Variants in TTN observed in about 807,000 individuals in gnomAD.
TTN encodes the protein connectin.
TTN carries 1,525 observed loss-of-function variants against 3,223.0 expected under a neutral mutation model. The observed-to-expected ratio is 0.47, with a 90% CI of 0.45 to 0.49. The LOEUF is 0.49. Ranked by LOEUF, TTN falls within the 20% of genes least tolerant of loss-of-function variation. The pLI is 0.00. For synonymous variants in TTN, 14,094 were observed against 15,161.0 expected (o/e 0.93, Z 5.17); for missense variants, 40,786 against 43,424.0 (o/e 0.94, Z 5.40).
rs2154201393 is a variant in TTN at position 178,613,956 on chromosome 2, T to G, written c.49346-19A>C. 6.2e-7 allele frequency: 1 copy of G among 1,606,630 alleles called. No homozygotes were observed. The highest frequency in any genetic ancestry group is 1.7e-5 in the Admixed American group (1 of 58,300). On this transcript the variant is annotated intron_variant, in intron 262 of 362. Coordinates refer to ENST00000589042, the MANE Select transcript of TTN (RefSeq NM_001267550.2). ...GGTGGATCTATAGACAGGATAATGGTGTAAAATGTTATATGTCCTGTATAT... is the reference window on the plus strand; with the variant it reads ...GGTGGATCTATAGACAGGATAATGGGGTAAAATGTTATATGTCCTGTATAT...
intron 46 of TTN, among the ~76,000 whole-genome samples, chr2:178,755,112 G>A (rs972224209): frequency 1.3e-5 from 2 of 152,132 alleles, no homozygotes; most frequent in East Asian, 1.9e-4. Flanking sequence ...GAGACTCAGT[G>A]AAGCTGTTTT....
chr2:178,678,699 A>T, intron 143 of TTN, 48 bp downstream of exon 143: 1 of 1,546,074 alleles, frequency 6.5e-7, no homozygotes, highest in Non-Finnish European at 8.8e-7. Flanking sequence ...ATTTTTACCC[A>T]TATGCAAATG....
chr2:178,790,619 A>G, intron 11 of TTN, 89 bp downstream of exon 11: 1 of 1,596,568 alleles, frequency 6.3e-7, no homozygotes, highest in Non-Finnish European at 8.6e-7. Flanking sequence ...GAAGTGAAGA[A>G]GTGATGATTA....
intron 12 of TTN, among the ~76,000 whole-genome samples, chr2:178,789,710 G>A (rs2093387586): frequency 6.6e-6 from 1 of 152,086 alleles, no homozygotes; most frequent in Non-Finnish European, 1.5e-5. Context: ...ATGAGTCCCT[G>A]TGTCACTTTT....
Position 178,547,649 on chromosome 2 carries a change from C to T in TTN, c.93977G>A (p.Cys31326Tyr), listed in dbSNP as rs968969255. ...IEVSSVSAES[C>Y]VLSWGEPKDG... ...TTTAGGTTCTCCCCATGACAGGACA[C>T]ACGATTCAGCTGAGACAGATGAGAC... The change falls in exon 339 of 363, where the codon TGT becomes TAT. Residue 31326 changes from cysteine (C) to tyrosine (Y), a missense_variant. By Grantham distance (194) the Cys-to-Tyr change is radical. Transcript: ENST00000589042. 3 of 1,613,876 alleles carry T rather than the reference C, an allele frequency of 1.9e-6. No individual in the cohort carries two copies. The highest frequency in any genetic ancestry group is 1.7e-5 in the Admixed American group (1 of 60,012).
intron 159 of TTN, among the ~76,000 whole-genome samples, chr2:178,669,094 G>T (rs975333985): frequency 6.6e-6 from 1 of 152,084 alleles, no homozygotes; most frequent in African/African-American, 2.4e-5. Context: ...CAAAGCAAAA[G>T]ACACTTGTAT....
At position 178,583,844 on chromosome 2, in the gene TTN, G is replaced by A. The variant is rs745681257; in HGVS notation, c.65338C>T (p.Arg21780Cys). The A allele has an allele frequency of 1.3e-5, 21 of 1,608,632 alleles. No homozygotes were observed. The highest frequency in any genetic ancestry group is 1.7e-5 in the Non-Finnish European group (20 of 1,177,388). The change falls in exon 312 of 363, where the codon CGT (arginine) becomes TGT (cysteine). Residue 21780 changes from arginine to cysteine, a missense_variant. Physicochemically the swap from Arg to Cys is radical, Grantham distance 180. Transcript: ENST00000589042. ...TKSTVSLIWA[R>C]PKHDGGSKII... ...TTACTGCCTCCATCATGCTTTGGAC[G>A]AGCCCAGATCAGAGATACAGTACTC...
chr2:178,589,143 A>G lies in TTN; in HGVS notation c.62582T>C (p.Val20861Ala). ...TCTCACAGGACCAGGCTTATCTAAA[A>G]CATTGACAGTGGCATAGGCCACAAA... ...GSFVAYATVN[V>A]LDKPGPVRNL... Residue 20861 changes from valine to alanine, a missense_variant, in exon 304 of 363, where the codon GTT becomes GCT. Coordinates refer to ENST00000589042, the MANE Select transcript of TTN (RefSeq NM_001267550.2). 6.2e-7 allele frequency: 1 copy of G among 1,613,226 alleles called. No homozygotes were observed.
At position 178,711,081 on chromosome 2, in the gene TTN, A is replaced by C. The variant is rs2076586234; in HGVS notation, c.28155T>G (p.Ser9385Arg). 1 of 1,594,946 alleles carries C rather than the reference A, an allele frequency of 6.3e-7. No homozygotes were observed. Among genetic ancestry groups the C allele is most frequent in the Non-Finnish European group, 8.5e-7 (1 of 1,170,712 alleles). The change falls in exon 97 of 363, where the codon AGT becomes AGG. Residue 9385 changes from serine to arginine, a missense_variant. Transcript: ENST00000589042. ...ACAAACCTGTGAGAATGAGCCTGGC[A>C]CTGGAAGAAGCAGAGCCTATAGGGT... ...ATNPIGSASS[S>R]ARLILTEGKN...
chr2:178,664,064 C>G lies in TTN; in HGVS notation c.36315G>C (p.Lys12105Asn). ...HEAPKEIIPEKKVSVVPPKKP... is the reference protein window; with the variant it reads ...HEAPKEIIPENKVSVVPPKKP... ...TTTTAGGAGGCACCACCGACACTTT[C>G]TTTTCAGGGATAATCTCTTTGGGAG... The change falls in exon 169 of 363, where the codon AAG becomes AAC. Residue 12105 changes from lysine (K) to asparagine (N), a missense_variant. Coordinates refer to ENST00000589042, the MANE Select transcript of TTN (RefSeq NM_001267550.2). 1 of 1,613,124 alleles carries G rather than the reference C, an allele frequency of 6.2e-7. No homozygotes were observed. Among genetic ancestry groups the G allele is most frequent in the South Asian group, 1.1e-5 (1 of 91,042 alleles).
In TTN at chr2:178,719,675, G is replaced by A. The variant is rs866647945; in HGVS notation, c.23817C>T (p.Phe7939=). 2 of 1,613,680 alleles carry A rather than the reference G, an allele frequency of 1.2e-6. No homozygotes were observed. The highest frequency in any genetic ancestry group is 1.7e-6 in the Non-Finnish European group (2 of 1,179,722). ...LSADSKHHIT[F]INKVASLKIP... ...TTTTAAGGGAAGCCACTTTATTGAT[G>A]AATGTAATGTGATGTTTGCTGTCTG... The change falls in exon 82 of 363, where the codon TTC becomes TTT. Residue 7939 remains phenylalanine (F), a synonymous_variant. Coordinates refer to ENST00000589042, the MANE Select transcript of TTN (RefSeq NM_001267550.2).
In TTN at chr2:178,552,672, C is replaced by A; in HGVS notation, c.90228G>T (p.Thr30076=). Residue 30076 remains threonine, a synonymous_variant, in exon 335 of 363, where the codon ACG becomes ACT. Coordinates refer to ENST00000589042, the MANE Select transcript of TTN (RefSeq NM_001267550.2). ...VVERKGKGEQ[T]WSHAGISKTC... is the part of the protein sequence containing the mutation. ...TCTTACTTATGCCAGCGTGGGACCA[C>A]GTCTGTTCACCTTTACCTTTCCTTT... 6.2e-7 allele frequency: 1 copy of A among 1,613,936 alleles called. No homozygotes were observed. Among genetic ancestry groups the A allele is most frequent in the East Asian group, 2.2e-5 (1 of 44,844 alleles).
rs375623167 is a variant in TTN at position 178,567,842 on chromosome 2, G to C, written c.78290C>G (p.Pro26097Arg). ...GATTTCATTTCTTTTAACCATTATT[G>C]GTTCTGGGGTTCCTGGTGGGTCACA... ...DPCDPPGTPE[P>R]IMVKRNEITL... Residue 26097 changes from proline (P) to arginine (R), a missense_variant, in exon 326 of 363, where the codon CCA becomes CGA. Physicochemically the swap from Pro to Arg is moderately radical, Grantham distance 103. Transcript: ENST00000589042. The C allele has an allele frequency of 1.2e-6, 2 of 1,613,424 alleles. No homozygotes were observed.
chr2:178,805,981 C>A (rs2094300313), intron 1 of TTN, among the ~76,000 whole-genome samples: 1 of 152,172 alleles, frequency 6.6e-6, no homozygotes, highest in Non-Finnish European at 1.5e-5. Flanking sequence ...CATGACTATT[C>A]TGTTCTGAAA....
At position 178,650,783 on chromosome 2, in the gene TTN, A is replaced by G; in HGVS notation, c.39677T>C (p.Val13226Ala). Residue 13226 changes from valine to alanine, a missense_variant, in exon 209 of 363, where the codon GTT (valine) becomes GCT (alanine). Transcript: ENST00000589042. ...PVLEEKPAVP[V>A]PERAESPPPE... Reference sequence around the variant, plus strand: ...GGGAGGAGACTCCGCTCTTTCTGGAACAGGAACAGCTGGTTTCTCTTCCAA... The same window carrying G: ...GGGAGGAGACTCCGCTCTTTCTGGAGCAGGAACAGCTGGTTTCTCTTCCAA... The G allele has an allele frequency of 6.2e-7, 1 of 1,607,920 alleles. No homozygotes were observed. Among genetic ancestry groups the G allele is most frequent in the Non-Finnish European group, 8.5e-7 (1 of 1,177,126 alleles).
rs141400725 is a variant in TTN, at chr2:178,550,717, T to C, written c.91564+250A>G. The C allele has an allele frequency of 2.2e-3, 1,115 of 504,206 alleles. 9 individuals carry two copies. The highest frequency in any genetic ancestry group is 0.019 in the African/African-American group (976 of 50,906). The allele number at this position is 504,206 out of a possible 1,614,324, so 31.2% of individuals were successfully genotyped here. ...TTATGTACTGTTAAGTGGCGAAAAT[T>C]ACAAAGCTAAAAACTCATTCCCACT... On this transcript the variant is annotated intron_variant, in intron 336 of 362. Transcript: ENST00000589042.
chr2:178,705,315 A>G lies in TTN; in HGVS notation c.29463T>C (p.Ile9821=). ...LKKGAGEEEE[I]DIMELLKNVD... ...CATTTTTGAGAAGTTCCATGATATC[A>G]ATTTCCTCTTCTTCTCCAGCTCCTT... The change falls in exon 103 of 363, where the codon ATT becomes ATC. Residue 9821 remains isoleucine (I), a synonymous_variant. Coordinates refer to ENST00000589042, the MANE Select transcript of TTN (RefSeq NM_001267550.2). 1 of 1,609,816 alleles carries G rather than the reference A, an allele frequency of 6.2e-7. No homozygotes were observed.
At position 178,530,968 on chromosome 2, in the gene TTN, A is replaced by T; in HGVS notation, c.105647T>A (p.Leu35216Gln). ...AGTTACCCTGGCCTTTTGAATAGTCAGAGTGAACTCTGCTTCTTGTTTCCC... is the reference window on the plus strand; with the variant it reads ...AGTTACCCTGGCCTTTTGAATAGTCTGAGTGAACTCTGCTTCTTGTTTCCC... ...SEGKQEAEFTLTIQKARVTEK... is the reference protein window; with the variant it reads ...SEGKQEAEFTQTIQKARVTEK... The change falls in exon 358 of 363, where the codon CTG becomes CAG. Residue 35216 changes from leucine (L) to glutamine (Q), a missense_variant. Physicochemically the swap from Leu to Gln is moderately radical, Grantham distance 113. Coordinates refer to ENST00000589042, the MANE Select transcript of TTN (RefSeq NM_001267550.2). 1 of 1,613,978 alleles carries T rather than the reference A, an allele frequency of 6.2e-7. No individual in the cohort carries two copies. Among genetic ancestry groups the T allele is most frequent in the Non-Finnish European group, 8.5e-7 (1 of 1,179,886 alleles).
chr2:178,621,793 A>AT (rs899768537), intron 244 of TTN, 47 bp downstream of exon 244: 24 of 1,608,396 alleles, frequency 1.5e-5, no homozygotes, highest in Middle Eastern at 3.3e-4. Flanking sequence ...GGAAATTATT[A>AT]TTTTTTCCCA....
Sources: allele counts gnomAD v4.1 joint callset (sites outside exome capture counted in the v4.1 genomes callset), GRCh38; gene constraint gnomAD v4.1.1; transcripts MANE v1.5; gene names NCBI Gene and HGNC (gene_info 2026-07-23, HGNC 2026-07-21).